The following PIK3CB variants were observed in gnomAD, a reference collection of about 807,000 sequenced individuals.
PIK3CB encodes the protein phosphatidylinositol 4,5-bisphosphate 3-kinase catalytic subunit beta isoform.
PIK3CB carries 39 observed loss-of-function variants against 136.8 expected under a neutral mutation model. The ratio of observed to expected loss-of-function variants is 0.29; its 90% CI spans 0.22 to 0.37. The LOEUF is 0.37. Among genes scored for constraint, PIK3CB ranks in the 10% least tolerant of loss-of-function variants. PIK3CB has a pLI of 1.00. For synonymous variants in PIK3CB, 428 were observed against 436.6 expected, an observed-to-expected ratio of 0.98 and a Z score of 0.25; for missense variants, 868 against 1,275.4, an observed-to-expected ratio of 0.68 and a Z score of 4.87.
chr3:138,686,354 A>G (rs555850878), intron 16 of PIK3CB, among the ~76,000 whole-genome samples: 2 of 152,128 alleles, frequency 1.3e-5, no homozygotes, highest in East Asian at 1.9e-4. Flanking sequence ...CAGGAGAATC[A>G]CTTGAATCTG....
chr3:138,800,131 C>T (rs143114498), intron 1 of PIK3CB, among the ~76,000 whole-genome samples: 1 of 152,288 alleles, frequency 6.6e-6, no homozygotes, highest in African/African-American at 2.4e-5. Context: ...CACTTCATAA[C>T]ATTTACGTTT....
chr3:138,800,605 C>G (rs189214005), intron 1 of PIK3CB, among the ~76,000 whole-genome samples: 1 of 151,814 alleles, frequency 6.6e-6, no homozygotes, highest in Non-Finnish European at 1.5e-5. Flanking sequence ...GCTTGAGCCA[C>G]TGCACCCAGC....
chr3:138,800,835 G>A (rs1408600284), intron 1 of PIK3CB, among the ~76,000 whole-genome samples: 2 of 152,090 alleles, frequency 1.3e-5, no homozygotes, highest in Non-Finnish European at 2.9e-5. Context: ...ATGTTGGCCA[G>A]GCTGGTCTCG....
chr3:138,788,576 A>C (rs539175986), intron 2 of PIK3CB, among the ~76,000 whole-genome samples: 1 of 146,958 alleles, frequency 6.8e-6, no homozygotes, highest in African/African-American at 2.5e-5. Flanking sequence ...AGAATCGCTT[A>C]AACCTGGGAG....
intron 19 of PIK3CB, among the ~76,000 whole-genome samples, chr3:138,681,617 C>T (rs2043784160): frequency 6.6e-6 from 1 of 152,168 alleles, no homozygotes; most frequent in African/African-American, 2.4e-5. Context: ...ATCAATGTCC[C>T]TGGACTAAGT....
chr3:138,829,649 T>A (rs1246875317), intron 1 of PIK3CB, among the ~76,000 whole-genome samples: 2 of 151,946 alleles, frequency 1.3e-5, no homozygotes, highest in Admixed American at 6.6e-5. Context: ...TAGCCGGGCG[T>A]GGTGGCGTGC....
intron 16 of PIK3CB, among the ~76,000 whole-genome samples, chr3:138,687,662 G>A (rs1385806726): frequency 6.6e-6 from 1 of 152,080 alleles, no homozygotes; most frequent in African/African-American, 2.4e-5. Context: ...ACTATGTTGT[G>A]CAGGTTAGTC....
chr3:138,753,705 C>A (rs1266877137), intron 4 of PIK3CB, among the ~76,000 whole-genome samples: 1 of 151,718 alleles, frequency 6.6e-6, no homozygotes, highest in Non-Finnish European at 1.5e-5. Flanking sequence ...ACTCGGGAGG[C>A]TGAGGTAGGA....
chr3:138,685,113 T>C (rs1346679511), intron 16 of PIK3CB: 2 of 225,348 alleles, frequency 8.9e-6, no homozygotes, highest in Non-Finnish European at 1.8e-5. Flanking sequence ...GTGCGCACTA[T>C]GGGTACTTAA....
chr3:138,781,291 CA>C (rs60812016), intron 2 of PIK3CB, among the ~76,000 whole-genome samples: 217 of 113,516 alleles, frequency 1.9e-3, no homozygotes, highest in Admixed American at 2.0e-3. Flanking sequence ...GATCTTATCT[CA>C]AAAAAAAAAA....
rs59299476 is a variant in PIK3CB, at chr3:138,747,054, TTATATATATA to T, written c.398-4283_398-4274del. On this transcript the variant is annotated intron_variant, in intron 4 of 23. Coordinates refer to ENST00000674063, the MANE Select transcript of PIK3CB (RefSeq NM_006219.3). ...CAGTACATATCAAGCTATTCAGCCT[TTATATATATA>T]TATATATATATATATATATATATAT... 2.2e-3 allele frequency among the ~76,000 whole-genome samples: 94 copies of T among 42,200 alleles called. 1 individual carries two copies. Among genetic ancestry groups the T allele is most frequent in the South Asian group, 4.0e-3 (4 of 994 alleles). The allele number at this position is 42,200 out of a possible 152,430, so 27.7% of individuals were successfully genotyped here.
chr3:138,697,289 G>GT (rs2044158158), intron 13 of PIK3CB, among the ~76,000 whole-genome samples: 2 of 152,250 alleles, frequency 1.3e-5, no homozygotes, highest in South Asian at 4.1e-4. Flanking sequence ...TAATACATCA[G>GT]TGGCTAGAAG....
At chr3:138,784,009 C>T (rs1056374200) in intron 2 of PIK3CB, among the ~76,000 whole-genome samples, 1 of 152,098 alleles carries the variant, frequency 6.6e-6, no homozygotes, top group Admixed American at 6.6e-5. Flanking sequence ...TTTCATAGAT[C>T]GTTGCTTATG....
intron 1 of PIK3CB, among the ~76,000 whole-genome samples, chr3:138,833,011 C>G (rs577286996): frequency 6.6e-6 from 1 of 150,608 alleles, no homozygotes; most frequent in African/African-American, 2.4e-5. Flanking sequence ...GACCCTGCCT[C>G]AAAAAACAAC....
intron 1 of PIK3CB, among the ~76,000 whole-genome samples, chr3:138,829,263 A>C (rs1159380700): frequency 6.6e-6 from 1 of 151,732 alleles, no homozygotes; most frequent in Non-Finnish European, 1.5e-5. Flanking sequence ...TTTTAAAAAT[A>C]AAATAAAATA....
At chr3:138,658,914 T>G (rs1348921082) in intron 21 of PIK3CB, among the ~76,000 whole-genome samples, 1 of 152,206 alleles carries the variant, frequency 6.6e-6, no homozygotes, top group Non-Finnish European at 1.5e-5. Context: ...AGTCAGGTAA[T>G]CTACTGGTTT....
chr3:138,815,166 TATATATATATAC>T (rs1289143758), intron 1 of PIK3CB, among the ~76,000 whole-genome samples: 1 of 82,384 alleles, frequency 1.2e-5, no homozygotes, highest in African/African-American at 5.5e-5. Flanking sequence ...AAAAAAAATA[TATATATATATAC>T]ATATATATAT....
At chr3:138,802,643 T>C (rs1363530981) in intron 1 of PIK3CB, among the ~76,000 whole-genome samples, 1 of 152,176 alleles carries the variant, frequency 6.6e-6, no homozygotes, top group Non-Finnish European at 1.5e-5. Flanking sequence ...AGGGTCCCCA[T>C]ACTGTATTTT....
chr3:138,792,667 T>G (rs1376234060), intron 2 of PIK3CB, among the ~76,000 whole-genome samples: 1 of 152,218 alleles, frequency 6.6e-6, no homozygotes, highest in Admixed American at 6.5e-5. Context: ...GGTTTAGCTC[T>G]TAGAAGAGTA....
Sources: gnomAD v4.1 joint callset for allele counts (sites outside exome capture counted in the v4.1 genomes callset) on GRCh38, gnomAD v4.1.1 for gene constraint, MANE v1.5 for transcripts, NCBI Gene and HGNC (gene_info 2026-07-23, HGNC 2026-07-21) for gene names.